Variants in SFMBT2 observed in about 807,000 individuals in gnomAD.
SFMBT2 encodes the protein Scm like with four mbt domains 2.
In SFMBT2, 38 loss-of-function variants were observed where a neutral mutation model predicts 110.1. That is an observed-to-expected ratio of 0.35 (90% CI 0.27 to 0.45). SFMBT2 has a LOEUF of 0.45. Among genes scored for constraint, SFMBT2 ranks in the 20% least tolerant of loss-of-function variants. The pLI, the probability that SFMBT2 is intolerant of heterozygous loss-of-function variation, is 1.00. For synonymous variants in SFMBT2, 425 were observed against 425.4 expected (o/e 1.00, Z 0.01); for missense variants, 1,011 against 1,094.9 (o/e 0.92, Z 1.08).
intron 7 of SFMBT2, among the ~76,000 whole-genome samples, chr10:7,273,048 G>A (rs1016921130): frequency 1.3e-5 from 2 of 152,166 alleles, no homozygotes; most frequent in African/African-American, 2.4e-5. Context: ...GCCCGTCTCG[G>A]CCTCCCAAAG....
intron 8 of SFMBT2, among the ~76,000 whole-genome samples, chr10:7,247,778 G>T (rs1588381490): frequency 6.6e-6 from 1 of 152,216 alleles, no homozygotes; most frequent in East Asian, 1.9e-4. Flanking sequence ...CGCACCATTT[G>T]TAAGAGAATA....
At chr10:7,180,506 A>G (rs1838214367) in intron 16 of SFMBT2, among the ~76,000 whole-genome samples, 1 of 151,982 alleles carries the variant, frequency 6.6e-6, no homozygotes, top group African/African-American at 2.4e-5. Flanking sequence ...CCAGGGACTG[A>G]CTGTGGAGGA....
chr10:7,387,777 G>GAAAAA (rs34684925), intron 1 of SFMBT2, among the ~76,000 whole-genome samples: 1 of 123,318 alleles, frequency 8.1e-6, no homozygotes, highest in African/African-American at 2.9e-5. Context: ...TTAAAAATAG[G>GAAAAA]AAAAAAAAAA....
intron 11 of SFMBT2, chr10:7,215,803 G>T: frequency 1.1e-6 from 1 of 886,290 alleles, no homozygotes; most frequent in Non-Finnish European, 1.4e-6. Flanking sequence ...GGTCTACTAG[G>T]GATGGCTCCC....
intron 20 of SFMBT2, among the ~76,000 whole-genome samples, chr10:7,169,711 G>T (rs1837812284): frequency 6.6e-6 from 1 of 152,136 alleles, no homozygotes; most frequent in Non-Finnish European, 1.5e-5. Context: ...TTTCTGCAAG[G>T]CCAGTGAGGC....
chr10:7,206,507 A>C, intron 11 of SFMBT2: 1 of 985,392 alleles, frequency 1.0e-6, no homozygotes, highest in Non-Finnish European at 1.2e-6. Flanking sequence ...CTGACAACTT[A>C]TCAGTTTGGA....
intron 4 of SFMBT2, among the ~76,000 whole-genome samples, chr10:7,322,556 A>G (rs141246895): frequency 1.9e-3 from 283 of 152,246 alleles, no homozygotes; most frequent in African/African-American, 6.5e-3. Context: ...GAAATTCTAG[A>G]AGGAATATAC....
At chr10:7,235,723 G>A (rs903975383) in intron 9 of SFMBT2, among the ~76,000 whole-genome samples, 1 of 121,552 alleles carries the variant, frequency 8.2e-6, no homozygotes, top group African/African-American at 2.7e-5. Context: ...GTACCATTTG[G>A]AAATTTACAG....
At position 7,237,393 on chromosome 10, in the gene SFMBT2, T is replaced by C. The variant is rs190773094; in HGVS notation, c.1120+6165A>G. On this transcript the variant is annotated intron_variant, in intron 9 of 20. Transcript: ENST00000397167. Reference sequence around the variant, plus strand: ...AAAAAATCTGAAAAATGTTAATAAATAAAAAGTTACATAAAGATATGCATA... The same window carrying C: ...AAAAAATCTGAAAAATGTTAATAAACAAAAAGTTACATAAAGATATGCATA... Among the ~76,000 whole-genome samples, 73 of 152,314 alleles carry C rather than the reference T, an allele frequency of 4.8e-4. 2 individuals carry two copies. The highest frequency in any genetic ancestry group is 4.7e-3 in the Admixed American group (72 of 15,296).
chr10:7,349,227 G>A (rs927178655), intron 4 of SFMBT2, among the ~76,000 whole-genome samples: 11 of 151,962 alleles, frequency 7.2e-5, no homozygotes, highest in African/African-American at 1.9e-4. Flanking sequence ...TGTTCTGCTC[G>A]ATCTCCAAAT....
Position 7,241,422 on chromosome 10 carries a change from A to G in SFMBT2, c.1120+2136T>C, listed in dbSNP as rs1436712519. The G allele has an allele frequency of 2.7e-6, 2 of 747,092 alleles. 1 individual carries two copies. The highest frequency in any genetic ancestry group is 2.6e-4 in the East Asian group (2 of 7,742). 46.3% of individuals were successfully genotyped at this position (747,092 alleles called of 1,614,324 possible). On this transcript the variant is annotated intron_variant, in intron 9 of 20. Coordinates refer to ENST00000397167, the MANE Select transcript of SFMBT2 (RefSeq NM_001387889.1). Reference sequence around the variant, plus strand: ...TACTTGATGTGTAGTATGTATTTGCATATAATATCCATGAAGAAATATTCT... The same window carrying G: ...TACTTGATGTGTAGTATGTATTTGCGTATAATATCCATGAAGAAATATTCT...
intron 4 of SFMBT2, among the ~76,000 whole-genome samples, chr10:7,303,916 C>T (rs1315002280): frequency 6.6e-6 from 1 of 152,130 alleles, no homozygotes; most frequent in Non-Finnish European, 1.5e-5. Flanking sequence ...AAGATTATTT[C>T]ATTGTTCTTT....
chr10:7,204,456 C>G (rs1839061840), intron 12 of SFMBT2: 1 of 984,598 alleles, frequency 1.0e-6, no homozygotes. Flanking sequence ...CCTGTTATCT[C>G]TAAGGACTCA....
At chr10:7,384,130 G>T (rs903008831) in intron 1 of SFMBT2, among the ~76,000 whole-genome samples, 1 of 133,302 alleles carries the variant, frequency 7.5e-6, no homozygotes, top group African/African-American at 2.8e-5. Context: ...AGAATCGCTT[G>T]AACCCGGGAG....
intron 16 of SFMBT2, among the ~76,000 whole-genome samples, chr10:7,187,440 A>G (rs926703259): frequency 2.0e-5 from 3 of 152,242 alleles, no homozygotes; most frequent in African/African-American, 7.2e-5. Flanking sequence ...ATTTCTTGAG[A>G]AAGAAGGAAA....
At position 7,167,092 on chromosome 10, in the gene SFMBT2, G is replaced by A. The variant is rs191550889; in HGVS notation, c.2545-3182C>T. 3.2e-3 allele frequency among the ~76,000 whole-genome samples: 490 copies of A among 152,308 alleles called. 3 individuals are homozygous for A. Among genetic ancestry groups the A allele is most frequent in the African/African-American group, 0.011 (476 of 41,566 alleles). The stretch of plus-strand genomic sequence containing the variant: ...TTAAATCGATTTTGATAGAGCACTC[G>A]GGTGAGGATCTGGTAGTTCCTAATG... On this transcript the variant is annotated intron_variant, in intron 20 of 20. Coordinates refer to ENST00000397167, the MANE Select transcript of SFMBT2 (RefSeq NM_001387889.1).
chr10:7,383,856 G>C (rs2255022), intron 1 of SFMBT2, among the ~76,000 whole-genome samples: 5,180 of 152,208 alleles, frequency 0.034, 266 homozygotes, highest in African/African-American at 0.12. Flanking sequence ...GATTTAAAGT[G>C]TGAGAGCTAT....
chr10:7,361,683 T>C (rs959142394), intron 4 of SFMBT2, among the ~76,000 whole-genome samples: 3 of 152,182 alleles, frequency 2.0e-5, no homozygotes, highest in African/African-American at 7.2e-5. Context: ...GCAATTCAAA[T>C]GACAGAAATT....
intron 7 of SFMBT2, among the ~76,000 whole-genome samples, chr10:7,260,455 C>T (rs1033260856): frequency 1.3e-5 from 2 of 152,198 alleles, no homozygotes; most frequent in Non-Finnish European, 2.9e-5. Flanking sequence ...CCAGCTCCTC[C>T]CTTGTGGGCT....
Sources: gnomAD v4.1 joint callset for allele counts (sites outside exome capture counted in the v4.1 genomes callset) on GRCh38, gnomAD v4.1.1 for gene constraint, MANE v1.5 for transcripts, NCBI Gene and HGNC (gene_info 2026-07-23, HGNC 2026-07-21) for gene names.